Variants in DOCK7 observed in about 807,000 individuals in gnomAD.
DOCK7 encodes dedicator of cytokinesis 7.
DOCK7 carries 138 observed loss-of-function variants against 271.0 expected under a neutral mutation model. The ratio of observed to expected loss-of-function variants is 0.51; its 90% CI spans 0.44 to 0.59. The LOEUF (loss-of-function observed/expected upper bound fraction) is 0.59, where lower values mean the gene tolerates loss of function less well. Ranked by LOEUF, DOCK7 falls within the 20% of genes least tolerant of loss-of-function variation. DOCK7 has a pLI of 0.00. For missense variants in DOCK7, 2,066 were observed against 2,592.4 expected (o/e 0.80, Z 4.41); for synonymous variants, 823 against 876.1 (o/e 0.94, Z 1.07).
intron 15 of DOCK7, among the ~76,000 whole-genome samples, chr1:62,586,053 C>A (rs1185869729): frequency 6.6e-6 from 1 of 152,080 alleles, no homozygotes; most frequent in African/African-American, 2.4e-5. Flanking sequence ...AAATCACCCA[C>A]GGAGCATTTT....
At chr1:62,513,084 C>G (rs1049201921) in intron 33 of DOCK7, among the ~76,000 whole-genome samples, 90 of 152,058 alleles carry the variant, frequency 5.9e-4, no homozygotes, top group African/African-American at 2.1e-3. Context: ...TATGGGAAAT[C>G]TCTGTACCTT....
chr1:62,540,731 G>A (rs939462341), intron 25 of DOCK7, among the ~76,000 whole-genome samples: 3 of 152,116 alleles, frequency 2.0e-5, no homozygotes, highest in Non-Finnish European at 2.9e-5. Context: ...TAAATTCAGG[G>A]AAATTGAAGC....
At chr1:62,634,254 G>C (rs1237043077) in intron 9 of DOCK7, 1 of 151,984 alleles carries the variant, frequency 6.6e-6, no homozygotes, top group African/African-American at 2.4e-5. Flanking sequence ...AGTTAAATTA[G>C]GCACAAATAA....
chr1:62,597,431 C>T, intron 14 of DOCK7: 1 of 870,958 alleles, frequency 1.1e-6, no homozygotes, highest in Admixed American at 2.8e-5. Context: ...GTTAACACGG[C>T]TTAATGATTA....
At chr1:62,486,420 C>T (rs773696226) in intron 43 of DOCK7, 1 of 152,058 alleles carries the variant, frequency 6.6e-6, no homozygotes, top group Non-Finnish European at 1.5e-5. Context: ...AAGTGAGAGG[C>T]AAAGCACACA....
intron 29 of DOCK7, among the ~76,000 whole-genome samples, chr1:62,532,583 C>T (rs945251380): frequency 5.3e-5 from 8 of 152,198 alleles, no homozygotes; most frequent in African/African-American, 1.9e-4. Flanking sequence ...AGTCCTCCTG[C>T]CTCAGCCTCG....
chr1:62,652,854 G>A (rs1248755277), intron 4 of DOCK7, among the ~76,000 whole-genome samples: 1 of 152,040 alleles, frequency 6.6e-6, no homozygotes, highest in Non-Finnish European at 1.5e-5. Flanking sequence ...CTATATAAAG[G>A]GCAGCAGACT....
At chr1:62,537,845 C>T in intron 28 of DOCK7, 46 bp downstream of exon 28, 5 of 1,545,764 alleles carry the variant, frequency 3.2e-6, no homozygotes, top group Non-Finnish European at 3.5e-6. Flanking sequence ...AACTATTCTT[C>T]ACAAAAGTGA....
intron 25 of DOCK7, among the ~76,000 whole-genome samples, 193 bp from the exon 26 acceptor site, chr1:62,540,085 A>AT (rs1645479348): frequency 6.6e-6 from 1 of 152,076 alleles, no homozygotes; most frequent in Admixed American, 6.5e-5. Flanking sequence ...AAAAACCACC[A>AT]TATTACTTTC....
intron 4 of DOCK7, among the ~76,000 whole-genome samples, chr1:62,648,919 TA>T (rs970702045): frequency 2.5e-4 from 38 of 152,048 alleles, no homozygotes; most frequent in African/African-American, 9.2e-4. Flanking sequence ...ATATAAATTT[TA>T]AAAGGTTATA....
Position 62,626,723 on chromosome 1 carries a change from G to A in DOCK7, c.1283-1322C>T, listed in dbSNP as rs77341844. Among the ~76,000 whole-genome samples the A allele has an allele frequency of 6.9e-3, 1,054 of 152,082 alleles. 13 individuals carry two copies. The highest frequency in any genetic ancestry group is 0.024 in the African/African-American group (996 of 41,504). ...CTCAAGATGAAAGAAAATGTGAATA[G>A]ACCTAAAACAAGTAAAGAGATCGAG... On this transcript the variant is annotated intron_variant, in intron 11 of 49. Transcript: ENST00000635253.
At chr1:62,611,433 G>T (rs1011333924) in intron 14 of DOCK7, among the ~76,000 whole-genome samples, 3 of 152,130 alleles carry the variant, frequency 2.0e-5, no homozygotes, top group Non-Finnish European at 4.4e-5. Flanking sequence ...ATGCTTCAAC[G>T]AGATCTTCTT....
At chr1:62,597,823 C>G (rs754336412) in intron 14 of DOCK7, 1 of 1,609,760 alleles carries the variant, frequency 6.2e-7, no homozygotes, top group Non-Finnish European at 8.5e-7. Flanking sequence ...TATGATCTAT[C>G]GCTGCAAACC....
At chr1:62,511,757 T>C (rs1021068032) in intron 33 of DOCK7, among the ~76,000 whole-genome samples, 1 of 151,952 alleles carries the variant, frequency 6.6e-6, no homozygotes, top group African/African-American at 2.4e-5. Context: ...AGGAAATTTA[T>C]GGAAAAAAAC....
At chr1:62,558,435 T>C (rs1646218274) in intron 20 of DOCK7, among the ~76,000 whole-genome samples, 1 of 152,098 alleles carries the variant, frequency 6.6e-6, no homozygotes, top group Admixed American at 6.6e-5. Flanking sequence ...AGGATTTGGG[T>C]GAAAGCTGTT....
chr1:62,496,869 A>T (rs1475254130), intron 37 of DOCK7, among the ~76,000 whole-genome samples: 4 of 152,188 alleles, frequency 2.6e-5, no homozygotes, highest in Non-Finnish European at 4.4e-5. Flanking sequence ...TTTAAATTCT[A>T]GTCCATTTCA....
rs771335317 is a variant in DOCK7, at chr1:62,555,939, G to A, written c.2482C>T (p.Leu828Phe). 1.9e-6 allele frequency: 3 copies of A among 1,613,778 alleles called. No individual in the cohort carries two copies. The highest frequency in any genetic ancestry group is 2.2e-5 in the South Asian group (2 of 91,064). ...TGATTTCCTTCCAAGTTTTTGTGAA[G>A]TCGATTTATAATTGATGCCATGGCT... ...FEAMASIINR[L>F]HKNLEGNHDQ... Residue 828 changes from leucine to phenylalanine, a missense_variant, in exon 21 of 50, where the codon CTT (leucine) becomes TTT (phenylalanine). Physicochemically the swap from Leu to Phe is conservative, Grantham distance 22. Around this residue, in one of 2 missense-constraint regions of DOCK7, gnomAD observed 1,414 missense variants for 1,670.4 expected, o/e 0.85. Transcript: ENST00000635253.
At chr1:62,616,164 G>A (rs1308549208) in intron 14 of DOCK7, among the ~76,000 whole-genome samples, 1 of 151,738 alleles carries the variant, frequency 6.6e-6, no homozygotes, top group East Asian at 1.9e-4. Context: ...AGAAGAGGAT[G>A]TTACATTAAA....
chr1:62,494,242 C>A, intron 40 of DOCK7, 33 bp downstream of exon 40: 3 of 1,523,028 alleles, frequency 2.0e-6, no homozygotes, highest in Non-Finnish European at 1.8e-6. Context: ...AAAAGATATA[C>A]CTTGATTTAA....
Sources: allele counts gnomAD v4.1 joint callset (sites outside exome capture counted in the v4.1 genomes callset), GRCh38; gene constraint gnomAD v4.1.1; regional missense constraint gnomAD v4.1.1; transcripts MANE v1.5; gene names NCBI Gene and HGNC (gene_info 2026-07-23, HGNC 2026-07-21).